Variants in FOXK1 observed in about 807,000 individuals in gnomAD.
FOXK1 encodes the protein forkhead box K1, also known as forkhead box protein K1.
Under a neutral mutation model 51.9 loss-of-function variants are expected in FOXK1, and 19 were observed. That is an observed-to-expected ratio of 0.37 (90% CI 0.26 to 0.54). The LOEUF (loss-of-function observed/expected upper bound fraction) is 0.54. Ranked by LOEUF, FOXK1 falls within the 20% of genes least tolerant of loss-of-function variation. The pLI, the probability that FOXK1 is intolerant of heterozygous loss-of-function variation, is 0.87. For synonymous variants in FOXK1, 537 were observed against 482.6 expected (o/e 1.11, Z -1.48); for missense variants, 870 against 1,032.7 (o/e 0.84, Z 2.16).
intron 1 of FOXK1, among the ~76,000 whole-genome samples, chr7:4,696,065 A>G (rs1219981467): frequency 6.6e-6 from 1 of 151,512 alleles, no homozygotes; most frequent in African/African-American, 2.4e-5. Flanking sequence ...GTAGTGAGCT[A>G]AGGATGCACC....
intron 5 of FOXK1, among the ~76,000 whole-genome samples, chr7:4,757,656 A>AGT (rs1780873440): frequency 6.8e-6 from 1 of 147,042 alleles, no homozygotes; most frequent in African/African-American, 2.7e-5. Context: ...AAAAAAAAAA[A>AGT]AAAAAAAAGT....
chr7:4,737,591 C>G (rs1280916593), intron 1 of FOXK1, among the ~76,000 whole-genome samples: 1 of 150,714 alleles, frequency 6.6e-6, no homozygotes, highest in Non-Finnish European at 1.5e-5. Flanking sequence ...TGTGTTGATA[C>G]AGACATGGAC....
At position 4,711,762 on chromosome 7, in the gene FOXK1, C is replaced by T. The variant is rs2115041613; in HGVS notation, c.560+28894C>T. Reference sequence around the variant, plus strand: ...CACCAGGCTGGGCTCAGCCACAAGTCGGCAACGTAGTGCCTCCAGGGCAGA... The same window carrying T: ...CACCAGGCTGGGCTCAGCCACAAGTTGGCAACGTAGTGCCTCCAGGGCAGA... On this transcript the variant is annotated intron_variant, in intron 1 of 8. Transcript: ENST00000328914. The surrounding 1 kb of genome is among the most constrained non-coding windows in gnomAD (Gnocchi z 6.3). 6.6e-6 allele frequency among the ~76,000 whole-genome samples: 1 copy of T among 152,346 alleles called. No homozygotes were observed. The highest frequency in any genetic ancestry group is 1.9e-4 in the East Asian group (1 of 5,190).
rs1378766042 is a variant in FOXK1 at position 4,758,915 on chromosome 7, C to A, written c.1245-136C>A. 5.4e-6 allele frequency: 5 copies of A among 928,830 alleles called. No homozygotes were observed. The East Asian group carries it at 1.1e-4, about 20-fold the overall frequency. 57.5% of individuals were successfully genotyped at this position (928,830 alleles called of 1,614,324 possible). A position where few individuals can be genotyped will look rare whatever the true frequency, so the allele number is the denominator to read the frequency against. ...TTCAGGTTACGGGGGCGTTTCTCAC[C>A]GTCTGAATGCGGAGGACAGAGACGA... is the stretch of plus-strand genomic sequence containing the variant. On this transcript the variant is annotated intron_variant, in intron 5 of 8. Coordinates refer to ENST00000328914, the MANE Select transcript of FOXK1 (RefSeq NM_001037165.2). This position sits in a 1 kb window ranked among gnomAD's most constrained non-coding sequence, Gnocchi z 4.4.
chr7:4,714,451 G>A (rs1003137657), intron 1 of FOXK1, among the ~76,000 whole-genome samples: 6 of 152,208 alleles, frequency 3.9e-5, no homozygotes, highest in African/African-American at 1.2e-4. Flanking sequence ...GCTAATTTTT[G>A]TTTAGTAGAG....
At position 4,753,145 on chromosome 7, in the gene FOXK1, T is replaced by C. The variant is rs1482104332; in HGVS notation, c.747-1314T>C. On this transcript the variant is annotated intron_variant, in intron 2 of 8. Transcript: ENST00000328914. The surrounding 1 kb of genome is among the most constrained non-coding windows in gnomAD (Gnocchi z 4.9). ...CCTTAACGTTCCATGTGGGTGACAC[T>C]GAGTCCTTCCTGAAAATGCCCCAGA... Among the ~76,000 whole-genome samples, 1 of 152,224 alleles carries C rather than the reference T, an allele frequency of 6.6e-6. No homozygotes were observed. The highest frequency in any genetic ancestry group is 1.5e-5 in the Non-Finnish European group (1 of 68,034).
chr7:4,708,299 A>C (rs1244435649), intron 1 of FOXK1, among the ~76,000 whole-genome samples: 1 of 152,144 alleles, frequency 6.6e-6, no homozygotes, highest in Non-Finnish European at 1.5e-5. Flanking sequence ...AACATGACCT[A>C]GTTGCCGCAG....
In FOXK1 at chr7:4,743,312, G is replaced by A. The variant is rs1185962926; in HGVS notation, c.746+2289G>A. 2.6e-5 allele frequency among the ~76,000 whole-genome samples: 4 copies of A among 152,190 alleles called. No individual in the cohort carries two copies. ...TCACACTGGTAATGCCAGCACTGTG[G>A]GAGGCCAAGGCGGGTGGATCACTTG... On this transcript the variant is annotated intron_variant, in intron 2 of 8. Transcript: ENST00000328914. This position sits in a 1 kb window ranked among gnomAD's most constrained non-coding sequence, Gnocchi z 5.3.
rs113409243 is a variant in FOXK1, at chr7:4,753,635, T to C, written c.747-824T>C. ...CTGCACCCACTCTTCGTGTCTTCAT[T>C]GGCTTTCTCTGAATACCTGTAATAG... is the stretch of plus-strand genomic sequence containing the variant. On this transcript the variant is annotated intron_variant, in intron 2 of 8. Coordinates refer to ENST00000328914, the MANE Select transcript of FOXK1 (RefSeq NM_001037165.2). The surrounding 1 kb of genome is among the most constrained non-coding windows in gnomAD (Gnocchi z 4.9). Among the ~76,000 whole-genome samples the C allele has an allele frequency of 0.01, 1,585 of 152,316 alleles. 40 individuals are homozygous for C. Among genetic ancestry groups the C allele is most frequent in the African/African-American group, 0.035 (1,467 of 41,564 alleles).
intron 1 of FOXK1, among the ~76,000 whole-genome samples, chr7:4,688,562 AT>A (rs759983848): frequency 1.3e-5 from 2 of 151,982 alleles, no homozygotes; most frequent in Non-Finnish European, 2.9e-5. Context: ...CACCTGGCTA[AT>A]TTTTAGTAGA....
rs557187697 is a variant in FOXK1, at chr7:4,745,315, C to T, written c.746+4292C>T. 2.0e-5 allele frequency among the ~76,000 whole-genome samples: 3 copies of T among 152,212 alleles called. No individual in the cohort carries two copies. Among genetic ancestry groups the T allele is most frequent in the Admixed American group, 6.5e-5 (1 of 15,282 alleles). On this transcript the variant is annotated intron_variant, in intron 2 of 8. Coordinates refer to ENST00000328914, the MANE Select transcript of FOXK1 (RefSeq NM_001037165.2). The surrounding 1 kb of genome is among the most constrained non-coding windows in gnomAD (Gnocchi z 4.3). ...CCCAGGGCCCCTCATTCCCAGGAGT[C>T]GGGAGTGGCTTGGGAGCGGCTTTTT...
Position 4,744,308 on chromosome 7 carries a change from A to G in FOXK1, c.746+3285A>G, listed in dbSNP as rs1780673416. On this transcript the variant is annotated intron_variant, in intron 2 of 8. Coordinates refer to ENST00000328914, the MANE Select transcript of FOXK1 (RefSeq NM_001037165.2). Reference sequence around the variant, plus strand: ...GGGGGTACACGTGCATATTTGTGACATGGGTATATTACTGGTGGGGATTGC... The same window carrying G: ...GGGGGTACACGTGCATATTTGTGACGTGGGTATATTACTGGTGGGGATTGC... 2.0e-5 allele frequency among the ~76,000 whole-genome samples: 3 copies of G among 152,052 alleles called. No homozygotes were observed. The South Asian group carries it at 6.2e-4, about 32-fold the overall frequency.
chr7:4,734,626 T>TG lies in FOXK1; in HGVS notation c.561-6206dup, dbSNP rs987790372. 7.2e-5 allele frequency among the ~76,000 whole-genome samples: 11 copies of TG among 152,170 alleles called. No individual in the cohort carries two copies. Among genetic ancestry groups the TG allele is most frequent in the Non-Finnish European group, 1.2e-4 (8 of 68,026 alleles). On this transcript the variant is annotated intron_variant, in intron 1 of 8. Transcript: ENST00000328914. The surrounding 1 kb of genome is among the most constrained non-coding windows in gnomAD (Gnocchi z 5.2). Reference sequence around the variant, plus strand: ...ACGGGGCTCCCTCCCTGGGGCTTCATGGGGGGCTCAGGAAGGCTGGGTCTC... The same window carrying TG: ...ACGGGGCTCCCTCCCTGGGGCTTCATGGGGGGGCTCAGGAAGGCTGGGTCTC...
At position 4,709,519 on chromosome 7, in the gene FOXK1, T is replaced by C. The variant is rs913525184; in HGVS notation, c.560+26651T>C. Reference sequence around the variant, plus strand: ...GCGACCCCTGCTGGCAGATCGAGGCTGGCCCGTGACCGGGGCAGGCGGACC... The same window carrying C: ...GCGACCCCTGCTGGCAGATCGAGGCCGGCCCGTGACCGGGGCAGGCGGACC... On this transcript the variant is annotated intron_variant, in intron 1 of 8. Coordinates refer to ENST00000328914, the MANE Select transcript of FOXK1 (RefSeq NM_001037165.2). This position sits in a 1 kb window ranked among gnomAD's most constrained non-coding sequence, Gnocchi z 5.6. Among the ~76,000 whole-genome samples, 11 of 152,316 alleles carry C rather than the reference T, an allele frequency of 7.2e-5. 1 individual carries two copies. In the East Asian group the frequency reaches 2.1e-3, roughly 29 times the overall value.
At chr7:4,759,714 C>G (rs1780906882) in intron 7 of FOXK1, 119 bp downstream of exon 7, 1 of 1,135,574 alleles carries the variant, frequency 8.8e-7, no homozygotes, top group Non-Finnish European at 1.2e-6. Context: ...TTCTCTGCTT[C>G]TGCCTCTCGC....
At chr7:4,754,154 G>A (rs568802840) in intron 2 of FOXK1, among the ~76,000 whole-genome samples, 2 of 152,316 alleles carry the variant, frequency 1.3e-5, no homozygotes, top group South Asian at 4.1e-4. Flanking sequence ...GGGGACCTGA[G>A]GAGGGGCCCC....
chr7:4,759,009 C>A, intron 5 of FOXK1, 42 bp from the exon 6 acceptor site: 1 of 1,535,900 alleles, frequency 6.5e-7, no homozygotes, highest in Non-Finnish European at 8.7e-7. Context: ...TCGCATCCCT[C>A]AGCGCGGGCG....
rs912922130 is a variant in FOXK1 at position 4,722,592 on chromosome 7, G to A, written c.561-18246G>A. ...CAGCACGGGCACACTCGTATACAAC[G>A]GGCACACATGCACGTCAGCCGCACA... On this transcript the variant is annotated intron_variant, in intron 1 of 8. Coordinates refer to ENST00000328914, the MANE Select transcript of FOXK1 (RefSeq NM_001037165.2). The surrounding 1 kb of genome is among the most constrained non-coding windows in gnomAD (Gnocchi z 5.1). Among the ~76,000 whole-genome samples the A allele has an allele frequency of 5.3e-5, 8 of 152,232 alleles. No individual in the cohort carries two copies. Among genetic ancestry groups the A allele is most frequent in the Non-Finnish European group, 1.0e-4 (7 of 68,036 alleles).
rs7781692 is a variant in FOXK1 at position 4,709,278 on chromosome 7, T to C, written c.560+26410T>C. On this transcript the variant is annotated intron_variant, in intron 1 of 8. Transcript: ENST00000328914. The surrounding 1 kb of genome is among the most constrained non-coding windows in gnomAD (Gnocchi z 5.6). ...AGAATCCCACTGCATGTTTTGGATC[T>C]GTCCGGGATCCCTCCTTGTTAGGCC... Among the ~76,000 whole-genome samples the C allele has an allele frequency of 0.13, 19,973 of 152,036 alleles. 2,445 individuals carry two copies. Among genetic ancestry groups the C allele is most frequent in the African/African-American group, 0.33 (13,753 of 41,412 alleles).
Sources: allele counts gnomAD v4.1 joint callset (sites outside exome capture counted in the v4.1 genomes callset), GRCh38; gene constraint gnomAD v4.1.1; non-coding constraint Gnocchi (gnomAD v3.1); transcripts MANE v1.5; gene names NCBI Gene and HGNC (gene_info 2026-07-23, HGNC 2026-07-21).